TAOK3: variants seen among roughly 807,000 people sequenced by gnomAD.
The protein encoded by TAOK3 is TAO kinase 3, also known as serine/threonine-protein kinase TAO3.
TAOK3 carries 40 observed loss-of-function variants against 120.4 expected under a neutral mutation model. That is an observed-to-expected ratio of 0.33 (90% CI 0.26 to 0.43). The LOEUF (loss-of-function observed/expected upper bound fraction) is 0.43, where lower values mean the gene tolerates loss of function less well. Among genes scored for constraint, TAOK3 ranks in the 20% least tolerant of loss-of-function variants. The pLI, the probability that TAOK3 is intolerant of heterozygous loss-of-function variation, is 1.00. For missense variants in TAOK3, 821 were observed against 1,112.1 expected (o/e 0.74, Z 3.72); for synonymous variants, 355 against 387.5 (o/e 0.92, Z 0.99).
At chr12:118,175,632 GA>G (rs897388033) in intron 16 of TAOK3, among the ~76,000 whole-genome samples, 7 of 148,316 alleles carry the variant, frequency 4.7e-5, no homozygotes, top group Non-Finnish European at 9.0e-5. Flanking sequence ...CATCTCAAAA[GA>G]AAAAAAAATA....
At chr12:118,360,513 A>G (rs1306462768) in intron 1 of TAOK3, among the ~76,000 whole-genome samples, 1 of 146,972 alleles carries the variant, frequency 6.8e-6, no homozygotes, top group Admixed American at 7.0e-5. Flanking sequence ...GCTTGCAGTG[A>G]GCCAAGATCG....
chr12:118,338,473 G>T (rs2044456995), intron 1 of TAOK3, among the ~76,000 whole-genome samples: 1 of 152,120 alleles, frequency 6.6e-6, no homozygotes, highest in Admixed American at 6.6e-5. Context: ...TTACAATACA[G>T]TACAAAAGGT....
intron 14 of TAOK3, among the ~76,000 whole-genome samples, chr12:118,187,589 C>A (rs1450368185): frequency 2.0e-5 from 3 of 151,772 alleles, no homozygotes; most frequent in Non-Finnish European, 1.5e-5. Context: ...CATACCTTTT[C>A]CCTTCCATTT....
At position 118,190,003 on chromosome 12, in the gene TAOK3, C is replaced by T. The variant is rs2037346927; in HGVS notation, c.1195-62G>A. On this transcript the variant is annotated intron_variant, in intron 13 of 20. Transcript: ENST00000392533. ...TGTGCTCTTTCCTCGCCGGCTGCCT[C>T]TCTCTCACCCCTCTTTCTGCACAAG... The T allele has an allele frequency of 5.0e-6, 8 of 1,597,102 alleles. No homozygotes were observed. In the South Asian group the frequency reaches 8.9e-5, roughly 18 times the overall value.
chr12:118,341,765 A>G (rs910790720), intron 1 of TAOK3, among the ~76,000 whole-genome samples: 1 of 152,224 alleles, frequency 6.6e-6, no homozygotes, highest in African/African-American at 2.4e-5. Context: ...TAATGCCTGT[A>G]ATAATCCCAG....
chr12:118,159,995 A>T, intron 19 of TAOK3, 151 bp downstream of exon 19: 2 of 681,512 alleles, frequency 2.9e-6, no homozygotes, highest in South Asian at 3.7e-5. Flanking sequence ...GCTTGGCTTT[A>T]TTCAACGTCG....
intron 19 of TAOK3, among the ~76,000 whole-genome samples, chr12:118,156,737 ATT>A (rs2034853256): frequency 6.7e-6 from 1 of 150,346 alleles, no homozygotes; most frequent in African/African-American, 2.5e-5. Flanking sequence ...CTACTGCTTT[ATT>A]TTTGTTTTTT....
chr12:118,194,617 T>C (rs74545505), intron 13 of TAOK3, among the ~76,000 whole-genome samples: 6 of 150,482 alleles, frequency 4.0e-5, no homozygotes, highest in Admixed American at 1.3e-4. Context: ...CATTTCTTTT[T>C]TTTTTTTTTT....
Position 118,235,581 on chromosome 12 carries a change from G to A in TAOK3, c.528C>T (p.Asn176=). Residue 176 remains asparagine, a synonymous_variant, in exon 8 of 21, where the codon AAC becomes AAT. Transcript: ENST00000392533. ...FGSASMASPA[N]SFVGTPYWMA... ...ACCAGTAAGGTGTGCCCACGAAGGA[G>A]TTGGCAGGAGAAGCCATTGAAGCAG... The A allele has an allele frequency of 6.2e-7, 1 of 1,613,774 alleles. No homozygotes were observed. The highest frequency in any genetic ancestry group is 8.5e-7 in the Non-Finnish European group (1 of 1,179,852).
rs879573358 is a variant in TAOK3 at position 118,278,958 on chromosome 12, C to T, written c.-193-12199G>A. The stretch of plus-strand genomic sequence containing the variant: ...AGTAGCTGGGATTACAGGCATGCAC[C>T]ACCACACTCAGCTATTTTTTATATT... On this transcript the variant is annotated intron_variant, in intron 1 of 20. Coordinates refer to ENST00000392533, the MANE Select transcript of TAOK3 (RefSeq NM_016281.4). Among the ~76,000 whole-genome samples, 1,053 of 152,204 alleles carry T rather than the reference C, an allele frequency of 6.9e-3. 7 individuals carry two copies. Among genetic ancestry groups the T allele is most frequent in the Non-Finnish European group, 0.01 (710 of 67,994 alleles).
intron 17 of TAOK3, among the ~76,000 whole-genome samples, chr12:118,167,609 G>A (rs2035683890): frequency 6.6e-6 from 1 of 151,524 alleles, no homozygotes. Context: ...ACAGTGGAGT[G>A]GACATCTGTT....
intron 1 of TAOK3, among the ~76,000 whole-genome samples, chr12:118,320,571 AAT>A (rs1400717700): frequency 6.6e-6 from 1 of 152,208 alleles, no homozygotes; most frequent in South Asian, 2.1e-4. Flanking sequence ...AATAATTAGT[AAT>A]AGTTATGATT....
At chr12:118,353,719 G>A (rs1456450032) in intron 1 of TAOK3, among the ~76,000 whole-genome samples, 1 of 152,196 alleles carries the variant, frequency 6.6e-6, no homozygotes, top group Non-Finnish European at 1.5e-5. Context: ...GCGATGTAAT[G>A]AGCCTTGAGA....
Position 118,322,270 on chromosome 12 carries a change from G to A in TAOK3, c.-194+50378C>T, listed in dbSNP as rs1023897596. On this transcript the variant is annotated intron_variant, in intron 1 of 20. Coordinates refer to ENST00000392533, the MANE Select transcript of TAOK3 (RefSeq NM_016281.4). ...GCAGAGGTTGCAATGAGCTGAGATC[G>A]CGCCACTACACTCCAGCCTGGGCAG... 4.2e-5 allele frequency among the ~76,000 whole-genome samples: 6 copies of A among 142,904 alleles called. No homozygotes were observed. The South Asian group carries it at 6.5e-4, about 16-fold the overall frequency. 93.8% of individuals were successfully genotyped at this position (142,904 alleles called of 152,430 possible).
Position 118,372,176 on chromosome 12 carries a change from CG to C in TAOK3, c.-194+471del, listed in dbSNP as rs1158282896. On this transcript the variant is annotated intron_variant, in intron 1 of 20. Transcript: ENST00000392533. The surrounding 1 kb of genome is among the most constrained non-coding windows in gnomAD (Gnocchi z 4.6). The stretch of plus-strand genomic sequence containing the variant: ...CCCTCACCTCGGGGTCTCCTCTCCC[CG>C]GGTGCTGTCCCAGCCCCTCTCGGGG... Among the ~76,000 whole-genome samples the C allele has an allele frequency of 6.7e-6, 1 of 150,250 alleles. No homozygotes were observed. The highest frequency in any genetic ancestry group is 2.0e-4 in the East Asian group (1 of 5,048).
At chr12:118,317,862 T>C (rs2043535640) in intron 1 of TAOK3, among the ~76,000 whole-genome samples, 1 of 152,144 alleles carries the variant, frequency 6.6e-6, no homozygotes, top group Non-Finnish European at 1.5e-5. Context: ...TCACATTTCC[T>C]GCAGCTTATT....
intron 14 of TAOK3, among the ~76,000 whole-genome samples, chr12:118,182,597 G>GTATATATA (rs1291003929): frequency 3.9e-5 from 3 of 77,496 alleles, no homozygotes; most frequent in Admixed American, 1.7e-4. Context: ...GTGTGTGTGT[G>GTATATATA]TGTATATATA....
At chr12:118,304,575 G>T (rs1388038548) in intron 1 of TAOK3, among the ~76,000 whole-genome samples, 1 of 151,956 alleles carries the variant, frequency 6.6e-6, no homozygotes, top group Non-Finnish European at 1.5e-5. Flanking sequence ...ACTTTGCATG[G>T]TTACAATGTT....
intron 1 of TAOK3, among the ~76,000 whole-genome samples, chr12:118,317,449 C>A (rs997398778): frequency 6.6e-6 from 1 of 151,886 alleles, no homozygotes; most frequent in African/African-American, 2.4e-5. Flanking sequence ...CAGGCGCCTG[C>A]CACCACGCCA....
Sources: gnomAD v4.1 joint callset for allele counts (sites outside exome capture counted in the v4.1 genomes callset) on GRCh38, gnomAD v4.1.1 for gene constraint, Gnocchi (gnomAD v3.1) non-coding constraint, MANE v1.5 for transcripts, NCBI Gene and HGNC (gene_info 2026-07-23, HGNC 2026-07-21) for gene names.